The following COG5 variants were observed in gnomAD, a reference collection of about 807,000 sequenced individuals.
COG5 encodes component of oligomeric golgi complex 5, also known as conserved oligomeric Golgi complex subunit 5.
Under a neutral mutation model 110.4 loss-of-function variants are expected in COG5, and 86 were observed. The observed-to-expected ratio is 0.78, with a 90% CI of 0.65 to 0.93. COG5 has a LOEUF of 0.93. Among genes scored for constraint, COG5 ranks in the 40% least tolerant of loss-of-function variants. COG5 has a pLI of 0.00. For synonymous variants in COG5, 360 were observed against 334.6 expected (o/e 1.08, Z -0.83); for missense variants, 1,077 against 987.0 (o/e 1.09, Z -1.22).
At chr7:107,416,201 T>C (rs1436338848) in intron 6 of COG5, among the ~76,000 whole-genome samples, 2 of 151,822 alleles carry the variant, frequency 1.3e-5, no homozygotes, top group East Asian at 3.9e-4. Flanking sequence ...TGTACAAGAA[T>C]GTTCATAGTA....
chr7:107,321,465 T>C (rs772589972), intron 11 of COG5, among the ~76,000 whole-genome samples: 6 of 152,074 alleles, frequency 3.9e-5, no homozygotes, highest in Non-Finnish European at 7.4e-5. Flanking sequence ...GAAACACATA[T>C]GGAAATGCAA....
Position 107,372,937 on chromosome 7 carries a change from C to CATTA in COG5, c.670-178_670-177insTAAT, listed in dbSNP as rs149730109. On this transcript the variant is annotated intron_variant, in intron 7 of 21. Coordinates refer to ENST00000297135, the MANE Select transcript of COG5 (RefSeq NM_006348.5). ...TTTTGAAGTGAAGATTATTTTTAAA[C>CATTA]TTTATTTCATAAAATACAAAGTTAA... is the stretch of plus-strand genomic sequence containing the variant. Among the ~76,000 whole-genome samples, 28,315 of 151,932 alleles carry CATTA rather than the reference C, an allele frequency of 0.19. 2,748 individuals carry two copies. Among genetic ancestry groups the CATTA allele is most frequent in the Non-Finnish European group, 0.22 (14,703 of 67,872 alleles).
intron 6 of COG5, among the ~76,000 whole-genome samples, chr7:107,447,311 A>G (rs140125369): frequency 6.6e-5 from 10 of 152,336 alleles, no homozygotes; most frequent in Admixed American, 2.0e-4. Context: ...TACTTAGCCC[A>G]TATCTAGGTC....
intron 6 of COG5, among the ~76,000 whole-genome samples, chr7:107,481,520 A>G (rs751362813): frequency 6.6e-6 from 1 of 152,164 alleles, no homozygotes; most frequent in Non-Finnish European, 1.5e-5. Context: ...AGCCAGTAAT[A>G]TTACACACAA....
chr7:107,249,629 C>G (rs1209284487), intron 16 of COG5, among the ~76,000 whole-genome samples: 2 of 151,390 alleles, frequency 1.3e-5, no homozygotes, highest in African/African-American at 4.9e-5. Context: ...GACCCTTAAT[C>G]ATTAAATTCC....
intron 6 of COG5, among the ~76,000 whole-genome samples, chr7:107,423,369 C>A (rs1472050377): frequency 6.6e-6 from 1 of 152,080 alleles, no homozygotes; most frequent in Non-Finnish European, 1.5e-5. Flanking sequence ...CTATGAATAA[C>A]TGAACAACTT....
chr7:107,363,496 C>T (rs554685992), intron 8 of COG5, among the ~76,000 whole-genome samples: 23 of 152,042 alleles, frequency 1.5e-4, no homozygotes, highest in Admixed American at 1.5e-3. Flanking sequence ...CATGAGTACA[C>T]AGTGAAACTC....
At chr7:107,349,885 T>C (rs1379308128) in intron 10 of COG5, among the ~76,000 whole-genome samples, 1 of 152,060 alleles carries the variant, frequency 6.6e-6, no homozygotes, top group Non-Finnish European at 1.5e-5. Context: ...GGAGACAGGG[T>C]TTCACCATGT....
chr7:107,241,462 T>G (rs1444818960), intron 17 of COG5, among the ~76,000 whole-genome samples: 2 of 148,796 alleles, frequency 1.3e-5, no homozygotes, highest in East Asian at 3.9e-4. Context: ...TATTTATTTA[T>G]TTTTTTTTGA....
chr7:107,399,933 G>C (rs1381412737), intron 7 of COG5, among the ~76,000 whole-genome samples: 2 of 152,148 alleles, frequency 1.3e-5, no homozygotes, highest in East Asian at 3.9e-4. Flanking sequence ...CAACAATCTG[G>C]AGGAACCAGA....
chr7:107,430,008 C>T (rs920736455), intron 6 of COG5, among the ~76,000 whole-genome samples: 2 of 152,124 alleles, frequency 1.3e-5, no homozygotes, highest in Non-Finnish European at 2.9e-5. Context: ...TATGCAAGCA[C>T]CCTGTGTCAG....
chr7:107,377,856 G>A (rs1484757161), intron 7 of COG5, among the ~76,000 whole-genome samples: 3 of 152,216 alleles, frequency 2.0e-5, no homozygotes, highest in East Asian at 3.8e-4. Context: ...GGGAAGGGGT[G>A]GCTGTGGGCG....
intron 2 of COG5, among the ~76,000 whole-genome samples, chr7:107,557,111 A>T (rs1803381750): frequency 6.6e-6 from 1 of 152,160 alleles, no homozygotes; most frequent in African/African-American, 2.4e-5. Flanking sequence ...ATTGAAATCA[A>T]ATGATACATA....
chr7:107,250,068 G>A (rs1802377562), intron 16 of COG5, among the ~76,000 whole-genome samples: 1 of 152,106 alleles, frequency 6.6e-6, no homozygotes. Context: ...TGGGTTTTAA[G>A]CAATAGACAA....
chr7:107,207,656 G>A (rs1210806054), intron 21 of COG5, among the ~76,000 whole-genome samples: 2 of 152,230 alleles, frequency 1.3e-5, no homozygotes, highest in Admixed American at 6.5e-5. Context: ...GAGCCAGGCG[G>A]CTGCCTCTGC....
chr7:107,371,111 C>A (rs1239764618), intron 8 of COG5, among the ~76,000 whole-genome samples: 1 of 152,104 alleles, frequency 6.6e-6, no homozygotes, highest in African/African-American at 2.4e-5. Flanking sequence ...AGAGTAAAAT[C>A]TCCTCTGGCA....
intron 11 of COG5, among the ~76,000 whole-genome samples, chr7:107,306,737 A>G (rs1807747995): frequency 6.6e-6 from 1 of 152,156 alleles, no homozygotes; most frequent in Admixed American, 6.6e-5. Context: ...TAACTCTGTA[A>G]GCCTCAATCC....
At chr7:107,508,704 G>A (rs1799240471) in intron 6 of COG5, among the ~76,000 whole-genome samples, 1 of 152,170 alleles carries the variant, frequency 6.6e-6, no homozygotes, top group South Asian at 2.1e-4. Context: ...CGATCAGGCA[G>A]CAGCATTTGC....
At chr7:107,528,458 T>C (rs1042272745) in intron 5 of COG5, among the ~76,000 whole-genome samples, 1 of 152,188 alleles carries the variant, frequency 6.6e-6, no homozygotes, top group African/African-American at 2.4e-5. Flanking sequence ...ACACTTCCTA[T>C]TCCTTTTCCC....
Sources: gnomAD v4.1 joint callset for allele counts (sites outside exome capture counted in the v4.1 genomes callset) on GRCh38, gnomAD v4.1.1 for gene constraint, MANE v1.5 for transcripts, NCBI Gene and HGNC (gene_info 2026-07-23, HGNC 2026-07-21) for gene names.